The following CNTNAP4 variants were observed in gnomAD, a reference collection of about 807,000 sequenced individuals.
The protein encoded by CNTNAP4 is contactin-associated protein-like 4.
CNTNAP4 carries 98 observed loss-of-function variants against 148.4 expected under a neutral mutation model. The observed-to-expected ratio is 0.66, with a 90% CI of 0.56 to 0.78. The LOEUF (loss-of-function observed/expected upper bound fraction) is 0.78. Among genes scored for constraint, CNTNAP4 ranks in the 30% least tolerant of loss-of-function variants. CNTNAP4 has a pLI of 0.00. For missense variants in CNTNAP4, 1,935 were observed against 1,565.6 expected, an observed-to-expected ratio of 1.24 and a Z score of -3.98; for synonymous variants, 730 against 565.1, an observed-to-expected ratio of 1.29 and a Z score of -4.14.
At chr16:76,519,745 T>C (rs2083388064) in intron 15 of CNTNAP4, among the ~76,000 whole-genome samples, 1 of 152,070 alleles carries the variant, frequency 6.6e-6, no homozygotes, top group Admixed American at 6.6e-5. Context: ...TGATAATATA[T>C]GGTTTCATTT....
chr16:76,449,463 A>G (rs1007241089), intron 6 of CNTNAP4, among the ~76,000 whole-genome samples: 7 of 152,324 alleles, frequency 4.6e-5, no homozygotes, highest in South Asian at 4.1e-4. Context: ...CCATGTTATA[A>G]AGATGTATTT....
chr16:76,398,866 C>A (rs1286781328), intron 3 of CNTNAP4, among the ~76,000 whole-genome samples: 1 of 151,848 alleles, frequency 6.6e-6, no homozygotes. Flanking sequence ...ATTTATCTCA[C>A]CTTGTGATAT....
chr16:76,318,046 T>C (rs1961990265), intron 2 of CNTNAP4, among the ~76,000 whole-genome samples: 1 of 152,182 alleles, frequency 6.6e-6, no homozygotes, highest in Non-Finnish European at 1.5e-5. Flanking sequence ...TCTTTGCAAT[T>C]CTGAGTCCCT....
At chr16:76,482,783 G>A (rs769608683) in intron 12 of CNTNAP4, among the ~76,000 whole-genome samples, 3 of 152,086 alleles carry the variant, frequency 2.0e-5, no homozygotes, top group Non-Finnish European at 4.4e-5. Context: ...CAGCACTGCA[G>A]GTGCTTCTCA....
At chr16:76,418,992 C>G (rs946969662) in intron 3 of CNTNAP4, among the ~76,000 whole-genome samples, 6 of 151,908 alleles carry the variant, frequency 3.9e-5, no homozygotes, top group Non-Finnish European at 7.4e-5. Flanking sequence ...TTAAGTCTTT[C>G]AACTGTTATC....
intron 2 of CNTNAP4, among the ~76,000 whole-genome samples, chr16:76,353,682 C>T (rs890018895): frequency 6.6e-6 from 1 of 152,088 alleles, no homozygotes; most frequent in African/African-American, 2.4e-5. Flanking sequence ...GAAGCTGCCT[C>T]CTACAGCTCC....
chr16:76,482,540 A>T (rs368539446), intron 12 of CNTNAP4, among the ~76,000 whole-genome samples: 1 of 151,366 alleles, frequency 6.6e-6, no homozygotes, highest in Non-Finnish European at 1.5e-5. Context: ...ATGAATGTTT[A>T]GTTCTAAAAA....
intron 2 of CNTNAP4, among the ~76,000 whole-genome samples, chr16:76,353,499 C>A (rs967979285): frequency 5.9e-5 from 9 of 152,176 alleles, no homozygotes; most frequent in Non-Finnish European, 1.5e-5. Context: ...GTCCATACTC[C>A]AACCACTTCC....
chr16:76,345,569 CG>C (rs552062138), intron 2 of CNTNAP4, among the ~76,000 whole-genome samples: 4 of 151,862 alleles, frequency 2.6e-5, no homozygotes, highest in Admixed American at 6.6e-5. Flanking sequence ...ATTGGGGATG[CG>C]GGGGGGATTT....
At chr16:76,337,165 T>C (rs541835955) in intron 2 of CNTNAP4, among the ~76,000 whole-genome samples, 2 of 152,348 alleles carry the variant, frequency 1.3e-5, no homozygotes, top group African/African-American at 4.8e-5. Context: ...AAGTTGGTGA[T>C]GAACATGTGT....
intron 14 of CNTNAP4, among the ~76,000 whole-genome samples, chr16:76,497,663 G>C (rs539867897): frequency 1.3e-5 from 2 of 151,298 alleles, no homozygotes; most frequent in African/African-American, 4.9e-5. Context: ...TAAGGACATG[G>C]GGGGGAACAT....
intron 3 of CNTNAP4, among the ~76,000 whole-genome samples, chr16:76,372,138 A>T (rs1035304376): frequency 7.2e-5 from 9 of 125,782 alleles, no homozygotes; most frequent in South Asian, 2.5e-4. Context: ...TCCAGCCCAA[A>T]TTTTTTTTTT....
chr16:76,475,919 G>A lies in CNTNAP4; in HGVS notation c.1656-20G>A. The A allele has an allele frequency of 6.4e-7, 1 of 1,567,774 alleles. No homozygotes were observed. Among genetic ancestry groups the A allele is most frequent in the Non-Finnish European group, 8.8e-7 (1 of 1,138,388 alleles). ...TATCTAAAAATGGAAACTGGTGATT[G>A]TATCTGCACCTTCTTTTAGGTGTTT... On this transcript the variant is annotated intron_variant, in intron 10 of 23. Coordinates refer to ENST00000611870, the MANE Select transcript of CNTNAP4 (RefSeq NM_033401.5).
chr16:76,494,381 C>T (rs907914118), intron 13 of CNTNAP4, among the ~76,000 whole-genome samples: 1 of 152,106 alleles, frequency 6.6e-6, no homozygotes, highest in Admixed American at 6.5e-5. Flanking sequence ...CCAAATAAAT[C>T]TTAAATCATG....
chr16:76,277,789 T>C, intron 1 of CNTNAP4, 42 bp downstream of exon 1: 1 of 1,210,260 alleles, frequency 8.3e-7, no homozygotes, highest in Non-Finnish European at 1.2e-6. Flanking sequence ...TGGGGGGCTC[T>C]CTGCAAAACT....
rs1041022135 is a variant in CNTNAP4 at position 76,461,860 on chromosome 16, T to C, written c.1334-96T>C. 2.1e-5 allele frequency: 21 copies of C among 982,556 alleles called. No individual in the cohort carries two copies. The South Asian group carries it at 2.8e-4, about 13-fold the overall frequency. The allele number at this position is 982,556 out of a possible 1,614,324, so 60.9% of individuals were successfully genotyped here. ...TTTAATTAATAATAGAGTTAAGTAC[T>C]GTAGCCAATTGAGTGATGTGTATAT... On this transcript the variant is annotated intron_variant, in intron 8 of 23. Coordinates refer to ENST00000611870, the MANE Select transcript of CNTNAP4 (RefSeq NM_033401.5).
At chr16:76,521,830 C>T (rs1231143123) in intron 16 of CNTNAP4, among the ~76,000 whole-genome samples, 3 of 151,752 alleles carry the variant, frequency 2.0e-5, no homozygotes, top group African/African-American at 7.3e-5. Flanking sequence ...TTTTCAAAAA[C>T]ATGAATGTAT....
intron 3 of CNTNAP4, among the ~76,000 whole-genome samples, chr16:76,424,134 C>T (rs539774384): frequency 1.1e-4 from 16 of 152,044 alleles, no homozygotes; most frequent in Non-Finnish European, 1.5e-4. Flanking sequence ...TTAAATAGCT[C>T]ATAAATTGAT....
chr16:76,429,210 C>T (rs2079527801), intron 4 of CNTNAP4, among the ~76,000 whole-genome samples: 1 of 152,046 alleles, frequency 6.6e-6, no homozygotes. Context: ...AAAATCCTAC[C>T]CCCAATTATG....
Sources: gnomAD v4.1 joint callset for allele counts (sites outside exome capture counted in the v4.1 genomes callset) on GRCh38, gnomAD v4.1.1 for gene constraint, MANE v1.5 for transcripts, NCBI Gene and HGNC (gene_info 2026-07-23, HGNC 2026-07-21) for gene names.